Variants in CAMTA1 observed in about 807,000 individuals in gnomAD.
CAMTA1 encodes calmodulin binding transcription activator 1.
CAMTA1 carries 27 observed loss-of-function variants against 170.9 expected under a neutral mutation model. That is an observed-to-expected ratio of 0.16 (90% CI 0.12 to 0.22). The LOEUF (loss-of-function observed/expected upper bound fraction) is 0.22, where lower values mean the gene tolerates loss of function less well. Ranked by LOEUF, CAMTA1 falls within the 10% of genes least tolerant of loss-of-function variation. The probability of loss-of-function intolerance (pLI) is 1.00; values close to 1 mark genes in which losing one functional copy is unlikely to be tolerated. For synonymous variants in CAMTA1, 833 were observed against 891.5 expected (o/e 0.93, Z 1.17); for missense variants, 1,619 against 2,217.2 (o/e 0.73, Z 5.42).
At chr1:7,105,833 C>T (rs1006120055) in intron 4 of CAMTA1, among the ~76,000 whole-genome samples, 9 of 151,662 alleles carry the variant, frequency 5.9e-5, no homozygotes, top group South Asian at 2.1e-4. Flanking sequence ...CCCAGCTACT[C>T]GAGAGGCTGA....
chr1:7,024,131 G>A (rs763452746), intron 3 of CAMTA1, among the ~76,000 whole-genome samples: 23 of 152,082 alleles, frequency 1.5e-4, no homozygotes, highest in East Asian at 1.2e-3. Flanking sequence ...AAGTAAAGGC[G>A]GAAAATGTGC....
intron 4 of CAMTA1, among the ~76,000 whole-genome samples, chr1:7,130,506 A>G (rs1320267605): frequency 1.3e-5 from 2 of 152,220 alleles, no homozygotes; most frequent in Non-Finnish European, 2.9e-5. Flanking sequence ...TGGGAAGTAT[A>G]TTGAACTTTA....
chr1:7,628,363 C>A (rs890721581), intron 6 of CAMTA1, among the ~76,000 whole-genome samples: 6 of 152,230 alleles, frequency 3.9e-5, no homozygotes, highest in African/African-American at 1.2e-4. Flanking sequence ...CCAAAGAATG[C>A]GGCTTGGCCA....
chr1:6,985,039 C>T (rs746979903), intron 3 of CAMTA1, among the ~76,000 whole-genome samples: 2 of 152,218 alleles, frequency 1.3e-5, no homozygotes, highest in African/African-American at 2.4e-5. Context: ...TCTCACATCC[C>T]GTTTGATGAC....
chr1:7,372,470 G>A (rs2086545325), intron 5 of CAMTA1, among the ~76,000 whole-genome samples: 1 of 152,228 alleles, frequency 6.6e-6, no homozygotes, highest in Non-Finnish European at 1.5e-5. Flanking sequence ...GTCTAGTCGA[G>A]CTGCACGTCT....
rs536809653 is a variant in CAMTA1 at position 7,673,250 on chromosome 1, C to T, written c.2779+2213C>T. ...GTGGCCCCGGGGCTGGAGTCAGCCA[C>T]ACTCGGGTCCATCCCAGATCAGCCA... On this transcript the variant is annotated intron_variant, in intron 10 of 22. Transcript: ENST00000303635. The surrounding 1 kb of genome is among the most constrained non-coding windows in gnomAD (Gnocchi z 4.6). 6.6e-6 allele frequency among the ~76,000 whole-genome samples: 1 copy of T among 152,340 alleles called. No individual in the cohort carries two copies. Among genetic ancestry groups the T allele is most frequent in the South Asian group, 2.1e-4 (1 of 4,832 alleles).
At chr1:6,884,838 G>C (rs1372282112) in intron 3 of CAMTA1, among the ~76,000 whole-genome samples, 1 of 152,194 alleles carries the variant, frequency 6.6e-6, no homozygotes, top group East Asian at 1.9e-4. Context: ...TCTCCTAGGA[G>C]CATGTAGAGA....
chr1:7,392,668 G>A (rs2088858200), intron 5 of CAMTA1, among the ~76,000 whole-genome samples: 1 of 151,878 alleles, frequency 6.6e-6, no homozygotes, highest in Non-Finnish European at 1.5e-5. Context: ...GAGCTCAGGA[G>A]TTCGAGACCA....
chr1:7,360,067 T>C (rs191939626), intron 5 of CAMTA1, among the ~76,000 whole-genome samples: 187 of 152,278 alleles, frequency 1.2e-3, no homozygotes, highest in African/African-American at 4.4e-3. Context: ...TCCTCTGCCT[T>C]CATCTTCACG....
At chr1:7,512,582 T>A (rs1471120675) in intron 6 of CAMTA1, among the ~76,000 whole-genome samples, 1 of 152,104 alleles carries the variant, frequency 6.6e-6, no homozygotes, top group Non-Finnish European at 1.5e-5. Flanking sequence ...TGGGGCTTGG[T>A]TTTCTGAGAG....
intron 1 of CAMTA1, among the ~76,000 whole-genome samples, chr1:6,794,393 G>A (rs1641937825): frequency 6.6e-6 from 1 of 152,110 alleles, no homozygotes; most frequent in African/African-American, 2.4e-5. Context: ...AATGTGAGAT[G>A]ATCTCTTCAC....
At chr1:7,487,967 T>C (rs1451559672) in intron 6 of CAMTA1, among the ~76,000 whole-genome samples, 2 of 152,100 alleles carry the variant, frequency 1.3e-5, no homozygotes, top group Non-Finnish European at 1.5e-5. Context: ...TGCCGCCACC[T>C]CCCACACAGC....
rs925811957 is a variant in CAMTA1 at position 7,732,549 on chromosome 1, G to T, written c.3016G>T (p.Gly1006Cys). The T allele has an allele frequency of 5.0e-6, 8 of 1,613,318 alleles. No homozygotes were observed. Among genetic ancestry groups the T allele is most frequent in the Non-Finnish European group, 6.8e-6 (8 of 1,179,890 alleles). The change falls in exon 12 of 23, where the codon GGC becomes TGC. Residue 1006 changes from glycine to cysteine, a missense_variant. Physicochemically the swap from Gly to Cys is radical, Grantham distance 159. Transcript: ENST00000303635. The surrounding 1 kb of genome is among the most constrained non-coding windows in gnomAD (Gnocchi z 4.1). The part of the protein sequence containing the change: ...SQQHKQASGG[G>C]SSGGGSGSGN... The stretch of plus-strand genomic sequence containing the variant: ...GCAGCACAAACAGGCGAGCGGAGGC[G>T]GCAGCAGTGGAGGCGGCAGCGGGAG...
rs192691933 is a variant in CAMTA1, at chr1:7,092,108, C to T, written c.302+737C>T. On this transcript the variant is annotated intron_variant, in intron 4 of 22. Transcript: ENST00000303635. This position sits in a 1 kb window ranked among gnomAD's most constrained non-coding sequence, Gnocchi z 5.0. ...TACATGGCCACTCTCTTCCAATTGC[C>T]GTAAGTTTTCTGTTAGCAGTGACAG... Among the ~76,000 whole-genome samples, 3 of 152,290 alleles carry T rather than the reference C, an allele frequency of 2.0e-5. No homozygotes were observed. Among genetic ancestry groups the T allele is most frequent in the Non-Finnish European group, 1.5e-5 (1 of 68,018 alleles).
At chr1:7,074,517 A>G (rs774103949) in intron 3 of CAMTA1, among the ~76,000 whole-genome samples, 6 of 152,228 alleles carry the variant, frequency 3.9e-5, no homozygotes, top group Non-Finnish European at 8.8e-5. Context: ...TACTTTTATG[A>G]ACTCTTTAAA....
chr1:6,969,360 G>A (rs1692131288), intron 3 of CAMTA1, among the ~76,000 whole-genome samples: 1 of 152,192 alleles, frequency 6.6e-6, no homozygotes, highest in Admixed American at 6.5e-5. Context: ...CGCTGCAGAA[G>A]TAAAGGCGGC....
intron 3 of CAMTA1, among the ~76,000 whole-genome samples, chr1:6,864,373 C>T (rs1376816537): frequency 1.3e-5 from 2 of 152,172 alleles, no homozygotes; most frequent in Non-Finnish European, 2.9e-5. Flanking sequence ...CCCTTGCCTT[C>T]TCCAGCCCAG....
chr1:7,600,900 C>T (rs1264441452), intron 6 of CAMTA1, among the ~76,000 whole-genome samples: 1 of 151,202 alleles, frequency 6.6e-6, no homozygotes, highest in Admixed American at 6.6e-5. Context: ...ACAGACATGG[C>T]AACCATTAGA....
In CAMTA1 at chr1:7,588,001, T is replaced by C. The variant is rs2095325365; in HGVS notation, c.511-52399T>C. 6.6e-6 allele frequency among the ~76,000 whole-genome samples: 1 copy of C among 152,106 alleles called. No homozygotes were observed. The highest frequency in any genetic ancestry group is 2.4e-5 in the African/African-American group (1 of 41,368). ...GAACAGGTCCTTGATCCCCTATCGG[T>C]GCCTGGCCCTGGCCATTCATTCCTC... is the stretch of plus-strand genomic sequence containing the variant. On this transcript the variant is annotated intron_variant, in intron 6 of 22. Coordinates refer to ENST00000303635, the MANE Select transcript of CAMTA1 (RefSeq NM_015215.4). This position sits in a 1 kb window ranked among gnomAD's most constrained non-coding sequence, Gnocchi z 5.8.
Sources: gnomAD v4.1 joint callset for allele counts (sites outside exome capture counted in the v4.1 genomes callset) on GRCh38, gnomAD v4.1.1 for gene constraint, Gnocchi (gnomAD v3.1) non-coding constraint, MANE v1.5 for transcripts, NCBI Gene and HGNC (gene_info 2026-07-23, HGNC 2026-07-21) for gene names.